SLC6A5: variants seen among roughly 807,000 people sequenced by gnomAD.
SLC6A5 encodes the protein solute carrier family 6 member 5, also known as sodium- and chloride-dependent glycine transporter 2.
Under a neutral mutation model 90.5 loss-of-function variants are expected in SLC6A5, and 58 were observed. The observed-to-expected ratio is 0.64, with a 90% confidence interval of 0.52 to 0.80. The LOEUF is 0.80. Ranked by LOEUF, SLC6A5 falls within the 30% of genes least tolerant of loss-of-function variation. The probability of loss-of-function intolerance (pLI) is 0.00; values close to 1 mark genes in which losing one functional copy is unlikely to be tolerated. For missense variants in SLC6A5, 1,015 were observed against 1,017.6 expected, an observed-to-expected ratio of 1.00 and a Z score of 0.03; for synonymous variants, 427 against 401.4, an observed-to-expected ratio of 1.06 and a Z score of -0.76.
intron 2 of SLC6A5, among the ~76,000 whole-genome samples, chr11:20,602,547 A>G (rs1373259683): frequency 1.3e-5 from 2 of 151,380 alleles, no homozygotes. Flanking sequence ...TTCCCTTCTC[A>G]CTGCCTGCCT....
At chr11:20,600,765 A>C (rs553683697) in intron 1 of SLC6A5, among the ~76,000 whole-genome samples, 3 of 152,270 alleles carry the variant, frequency 2.0e-5, no homozygotes, top group South Asian at 4.1e-4. Flanking sequence ...ATCTTTCTAC[A>C]GTGGTGATGG....
chr11:20,640,404 C>T (rs1379214338), intron 13 of SLC6A5, among the ~76,000 whole-genome samples: 1 of 152,096 alleles, frequency 6.6e-6, no homozygotes, highest in Non-Finnish European at 1.5e-5. Context: ...CCCCGCATCC[C>T]CATACAAATC....
At chr11:20,650,583 A>G (rs1481882646) in intron 14 of SLC6A5, among the ~76,000 whole-genome samples, 7 of 151,052 alleles carry the variant, frequency 4.6e-5, no homozygotes, top group African/African-American at 1.5e-4. Context: ...CCCTCAGCTA[A>G]TTAGTGGTTG....
intron 2 of SLC6A5, among the ~76,000 whole-genome samples, chr11:20,602,168 C>A (rs1282798835): frequency 3.3e-5 from 5 of 152,136 alleles, no homozygotes; most frequent in Admixed American, 6.5e-5. Flanking sequence ...TCATTTGATG[C>A]GAGGTGGGTT....
chr11:20,645,591 C>T (rs1853397308), intron 13 of SLC6A5, among the ~76,000 whole-genome samples: 1 of 150,330 alleles, frequency 6.7e-6, no homozygotes, highest in Non-Finnish European at 1.5e-5. Context: ...CCTGCAGGTA[C>T]CCACTTTTCA....
In SLC6A5 at chr11:20,652,593, G is replaced by A. The variant is rs778435775; in HGVS notation, c.2238+137G>A. 50 of 909,842 alleles carry A rather than the reference G, an allele frequency of 5.5e-5. 2 individuals are homozygous for A. The highest frequency in any genetic ancestry group is 6.2e-4 in the Middle Eastern group (2 of 3,238). 56.4% of individuals were successfully genotyped at this position (909,842 alleles called of 1,614,324 possible). ...TGATGAAGCGATTACAGTTGCCACC[G>A]TTTCTGTTAAACCCATTTTTATTAT... is the stretch of plus-strand genomic sequence containing the variant. On this transcript the variant is annotated intron_variant, in intron 15 of 15. Transcript: ENST00000525748.
chr11:20,639,490 G>T (rs1395151171), intron 13 of SLC6A5, among the ~76,000 whole-genome samples: 1 of 152,138 alleles, frequency 6.6e-6, no homozygotes, highest in Non-Finnish European at 1.5e-5. Context: ...TATGCTCGAG[G>T]GACAAATGTA....
intron 15 of SLC6A5, 95 bp from the exon 16 acceptor site, chr11:20,654,618 A>G (rs1373773135): frequency 1.6e-6 from 2 of 1,251,488 alleles, no homozygotes; most frequent in African/African-American, 3.0e-5. Flanking sequence ...ACTCTGGTCA[A>G]AGTGGTCATA....
intron 14 of SLC6A5, among the ~76,000 whole-genome samples, chr11:20,649,555 A>C (rs150236968): frequency 3.9e-5 from 6 of 152,238 alleles, no homozygotes; most frequent in African/African-American, 1.4e-4. Context: ...CAAGCCCAAC[A>C]CTTATTTTTT....
At chr11:20,637,343 G>C (rs762015007) in intron 12 of SLC6A5, 40 bp downstream of exon 12, 1 of 1,523,764 alleles carries the variant, frequency 6.6e-7, no homozygotes, top group South Asian at 1.1e-5. Flanking sequence ...GTGGGGGCAG[G>C]AGGGTGGGGG....
chr11:20,622,464 T>G (rs1467094687), intron 7 of SLC6A5, among the ~76,000 whole-genome samples: 2 of 152,182 alleles, frequency 1.3e-5, no homozygotes, highest in Non-Finnish European at 2.9e-5. Context: ...GTCCTGGCCC[T>G]GCCATACACA....
intron 13 of SLC6A5, among the ~76,000 whole-genome samples, chr11:20,642,737 C>T (rs1455327877): frequency 6.6e-6 from 1 of 152,184 alleles, no homozygotes; most frequent in Non-Finnish European, 1.5e-5. Context: ...TAGCTGTTGA[C>T]TCAGTGAAGG....
chr11:20,620,323 A>C (rs1852866122), intron 7 of SLC6A5, among the ~76,000 whole-genome samples: 1 of 152,164 alleles, frequency 6.6e-6, no homozygotes, highest in Non-Finnish European at 1.5e-5. Context: ...TGGCTCTATC[A>C]CTTTCTAGTT....
At chr11:20,604,681 C>A (rs973209714) in intron 3 of SLC6A5, among the ~76,000 whole-genome samples, 4 of 152,172 alleles carry the variant, frequency 2.6e-5, no homozygotes, top group Non-Finnish European at 5.9e-5. Flanking sequence ...CCCCCACTGA[C>A]CCAGTTTTGG....
chr11:20,617,938 C>A (rs559921771), intron 7 of SLC6A5, 54 bp downstream of exon 7: 5 of 1,573,820 alleles, frequency 3.2e-6, no homozygotes, highest in East Asian at 2.2e-5. Flanking sequence ...GGGGCGGTTG[C>A]TTTGGGGAGC....
At chr11:20,646,195 T>C (rs998546434) in intron 13 of SLC6A5, among the ~76,000 whole-genome samples, 3 of 152,344 alleles carry the variant, frequency 2.0e-5, no homozygotes, top group South Asian at 2.1e-4. Flanking sequence ...TCTAGGGCCA[T>C]GAGAGTAACC....
At chr11:20,606,864 G>A in intron 3 of SLC6A5, 143 bp from the exon 4 acceptor site, 2 of 953,188 alleles carry the variant, frequency 2.1e-6, no homozygotes, top group Non-Finnish European at 3.3e-6. Context: ...GCTGAAACAG[G>A]ACATCAAAGG....
intron 14 of SLC6A5, 125 bp downstream of exon 14, chr11:20,647,059 G>A (rs1853430381): frequency 2.6e-6 from 2 of 756,348 alleles, no homozygotes; most frequent in Non-Finnish European, 4.7e-6. Flanking sequence ...GGTAGGTTGG[G>A]TGGTGGTCTT....
intron 10 of SLC6A5, among the ~76,000 whole-genome samples, chr11:20,632,349 C>T (rs1853124523): frequency 6.6e-6 from 1 of 152,158 alleles, no homozygotes. Context: ...GTAAATGATT[C>T]TGAACTCTTT....
Sources: gnomAD v4.1 joint callset for allele counts (sites outside exome capture counted in the v4.1 genomes callset) on GRCh38, gnomAD v4.1.1 for gene constraint, MANE v1.5 for transcripts, NCBI Gene and HGNC (gene_info 2026-07-23, HGNC 2026-07-21) for gene names.